Variants in LY96 observed in about 807,000 individuals in gnomAD.
LY96 encodes the protein lymphocyte antigen 96.
Under a neutral mutation model 18.9 loss-of-function variants are expected in LY96, and 18 were observed. The observed-to-expected ratio is 0.95, with a 90% CI of 0.66 to 1.41. The LOEUF (loss-of-function observed/expected upper bound fraction) is 1.41, where lower values mean the gene tolerates loss of function less well. Among genes scored for constraint, LY96 ranks in the 40% most tolerant of loss-of-function variants. The pLI is 0.00. For synonymous variants in LY96, 66 were observed against 62.6 expected, an observed-to-expected ratio of 1.06 and a Z score of -0.26; for missense variants, 175 against 182.4, an observed-to-expected ratio of 0.96 and a Z score of 0.23.
the LY96 span, among the ~76,000 whole-genome samples, chr8:74,049,253 G>A: frequency 1.3e-5 from 2 of 152,062 alleles, no homozygotes; most frequent in Non-Finnish European, 1.5e-5. Flanking sequence ...AATGGATCAG[G>A]TCCCTCCCTC....
At chr8:74,081,250 C>T in the LY96 span, among the ~76,000 whole-genome samples, 1 of 143,756 alleles carries the variant, frequency 7.0e-6, no homozygotes, top group Non-Finnish European at 1.5e-5. Context: ...CCCTCTCTCC[C>T]TTTCTTTCTC....
intron 1 of LY96, among the ~76,000 whole-genome samples, chr8:73,997,094 C>T (rs905995243): frequency 6.6e-6 from 1 of 152,136 alleles, no homozygotes; most frequent in Non-Finnish European, 1.5e-5. Context: ...TGATTTTAGG[C>T]GATCAGCCTG....
chr8:74,081,011 TTTC>T, the LY96 span, among the ~76,000 whole-genome samples: 5 of 131,238 alleles, frequency 3.8e-5, no homozygotes, highest in African/African-American at 1.5e-4. Flanking sequence ...TCTTTCTTTC[TTTC>T]TTTCTTTCTT....
rs184977355 is a variant in LY96, at chr8:74,026,215, C to G, written c.332-574C>G. On this transcript the variant is annotated intron_variant, in intron 3 of 4. Coordinates refer to ENST00000284818, the MANE Select transcript of LY96 (RefSeq NM_015364.5). ...CAAAACATACATTTCTATCTTTACC[C>G]CACCACATTCACTACTTTGTTCTGA... Among the ~76,000 whole-genome samples the G allele has an allele frequency of 2.0e-5, 3 of 152,274 alleles. No individual in the cohort carries two copies. The East Asian group carries it at 5.8e-4, about 29-fold the overall frequency.
chr8:74,002,093 TTCTCTCTCTCTCTCTCTCTCTC>T (rs376445801), intron 1 of LY96, among the ~76,000 whole-genome samples: 1 of 38,700 alleles, frequency 2.6e-5, no homozygotes, highest in Non-Finnish European at 4.2e-5. Flanking sequence ...CTTTCTTTCT[TTCTCTCTCTCTCTCTCTCTCTC>T]TCTCTCTCTC....
In LY96 at chr8:74,029,042, T is replaced by A; in HGVS notation, c.471T>A (p.Pro157=). The A allele has an allele frequency of 6.3e-7, 1 of 1,598,774 alleles. No individual in the cohort carries two copies. The highest frequency in any genetic ancestry group is 8.6e-7 in the Non-Finnish European group (1 of 1,167,236). Reference sequence around the variant, plus strand: ...TGGAGTTTGTCATCCTACACCAACCTAATTCAAATTAGAATAAATTGAGTA... The same window carrying A: ...TGGAGTTTGTCATCCTACACCAACCAAATTCAAATTAGAATAAATTGAGTA... ...FCLEFVILHQ[P]NSN The change falls in exon 5 of 5, where the codon CCT becomes CCA. Residue 157 remains proline (P), a synonymous_variant. Transcript: ENST00000284818.
chr8:74,048,672 G>C, the LY96 span: 2 of 152,100 alleles, frequency 1.3e-5, no homozygotes, highest in Non-Finnish European at 2.9e-5. Context: ...TCAGAACTTG[G>C]TCACGTGCTC....
At chr8:73,996,422 T>TTTCC (rs1816147189) in intron 1 of LY96, among the ~76,000 whole-genome samples, 1 of 86,126 alleles carries the variant, frequency 1.2e-5, no homozygotes, top group Non-Finnish European at 2.5e-5. Flanking sequence ...TCTTTCTTTC[T>TTTCC]TTCTTTCTTT....
chr8:74,018,207 A>T (rs1389164115), intron 3 of LY96, among the ~76,000 whole-genome samples: 2 of 152,000 alleles, frequency 1.3e-5, no homozygotes, highest in East Asian at 3.9e-4. Flanking sequence ...ATGGAGGAAG[A>T]TCTACCAAGC....
the LY96 span, among the ~76,000 whole-genome samples, chr8:74,055,481 A>G: frequency 6.6e-6 from 1 of 152,168 alleles, no homozygotes; most frequent in African/African-American, 2.4e-5. Flanking sequence ...TGTGAAGTTT[A>G]AATCAATTGC....
chr8:74,035,690 A>T, the LY96 span, among the ~76,000 whole-genome samples: 1 of 152,218 alleles, frequency 6.6e-6, no homozygotes, highest in Non-Finnish European at 1.5e-5. Flanking sequence ...AAAAACATTT[A>T]CAATCTATTC....
intron 3 of LY96, among the ~76,000 whole-genome samples, chr8:74,019,036 A>G (rs930124253): frequency 3.3e-5 from 5 of 152,202 alleles, no homozygotes; most frequent in Non-Finnish European, 7.3e-5. Flanking sequence ...GAGCAAACAC[A>G]TTGAAAAGCT....
intron 1 of LY96, among the ~76,000 whole-genome samples, chr8:74,001,080 A>G (rs893490840): frequency 1.8e-4 from 27 of 152,198 alleles, no homozygotes; most frequent in African/African-American, 6.5e-4. Flanking sequence ...CAGGCAATGC[A>G]TTCAAACCAT....
intron 1 of LY96, among the ~76,000 whole-genome samples, chr8:73,994,344 G>A (rs143241419): frequency 6.6e-6 from 1 of 152,110 alleles, no homozygotes; most frequent in Non-Finnish European, 1.5e-5. Flanking sequence ...ATCCTGCCCA[G>A]CCAAAAATGC....
intron 4 of LY96, among the ~76,000 whole-genome samples, chr8:74,028,679 T>A (rs972118147): frequency 6.6e-6 from 1 of 152,222 alleles, no homozygotes; most frequent in East Asian, 1.9e-4. Flanking sequence ...TAAAATTTAA[T>A]AATGCATATT....
At chr8:74,034,328 T>A in the LY96 span, among the ~76,000 whole-genome samples, 6 of 151,702 alleles carry the variant, frequency 4.0e-5, no homozygotes, top group African/African-American at 1.5e-4. Flanking sequence ...GCCAAGAACA[T>A]GCCACTGCAC....
At chr8:74,042,578 A>G in the LY96 span, among the ~76,000 whole-genome samples, 3 of 152,124 alleles carry the variant, frequency 2.0e-5, no homozygotes, top group African/African-American at 7.2e-5. Context: ...CAAGAGCATA[A>G]CTCTTCCAAC....
the LY96 span, among the ~76,000 whole-genome samples, chr8:74,060,346 A>T: frequency 1.3e-5 from 2 of 152,338 alleles, no homozygotes; most frequent in East Asian, 3.9e-4. Context: ...AAAAAATCTA[A>T]TGGGATAGGC....
At chr8:74,060,639 C>T in the LY96 span, among the ~76,000 whole-genome samples, 4 of 152,176 alleles carry the variant, frequency 2.6e-5, no homozygotes, top group African/African-American at 9.7e-5. Context: ...TTGACCCTTG[C>T]GTACTGCACA....
Sources: gnomAD v4.1 joint callset for allele counts (sites outside exome capture counted in the v4.1 genomes callset) on GRCh38, gnomAD v4.1.1 for gene constraint, MANE v1.5 for transcripts, NCBI Gene and HGNC (gene_info 2026-07-23, HGNC 2026-07-21) for gene names.